TEAD1: variants seen among roughly 807,000 people sequenced by gnomAD.
The protein encoded by TEAD1 is transcriptional enhancer factor TEF-1.
TEAD1 carries 9 observed loss-of-function variants against 54.9 expected under a neutral mutation model. The observed-to-expected ratio is 0.16, with a 90% CI of 0.10 to 0.29. The LOEUF is 0.29. Ranked by LOEUF, TEAD1 falls within the 10% of genes least tolerant of loss-of-function variation. The pLI is 1.00. For missense variants in TEAD1, 387 were observed against 535.9 expected (o/e 0.72, Z 2.74); for synonymous variants, 200 against 187.8 (o/e 1.07, Z -0.53).
intron 2 of TEAD1, among the ~76,000 whole-genome samples, chr11:12,711,252 A>G (rs890223283): frequency 3.3e-5 from 5 of 152,324 alleles, no homozygotes; most frequent in African/African-American, 4.8e-5. Flanking sequence ...GAATGAAGAA[A>G]TTAGAATGTG....
chr11:12,692,510 C>CT lies in TEAD1; in HGVS notation c.-55+16957dup, dbSNP rs202118667. On this transcript the variant is annotated intron_variant, in intron 2 of 12. Transcript: ENST00000527636. ...TAATGCCCCTCACCCACCACCCCGG[C>CT]TTTTTTTTCTTTTTAAAGCCGCAAG... is the stretch of plus-strand genomic sequence containing the variant. Among the ~76,000 whole-genome samples, 973 of 152,044 alleles carry CT rather than the reference C, an allele frequency of 6.4e-3. 15 individuals are homozygous for CT. The highest frequency in any genetic ancestry group is 0.022 in the African/African-American group (904 of 41,466).
At chr11:12,687,905 A>G (rs1245220337) in intron 2 of TEAD1, among the ~76,000 whole-genome samples, 1 of 152,158 alleles carries the variant, frequency 6.6e-6, no homozygotes, top group African/African-American at 2.4e-5. Flanking sequence ...GGCTAATCCA[A>G]ACTATTCTCT....
At chr11:12,742,965 A>G (rs1944675724) in intron 2 of TEAD1, among the ~76,000 whole-genome samples, 1 of 152,188 alleles carries the variant, frequency 6.6e-6, no homozygotes, top group South Asian at 2.1e-4. Flanking sequence ...CTTTGAGCTG[A>G]TTCCAGAGTG....
chr11:12,940,551 T>C lies in TEAD1; in HGVS notation c.*3329T>C, dbSNP rs1162083819. 3.3e-5 allele frequency: 5 copies of C among 152,226 alleles called. No individual in the cohort carries two copies. Among genetic ancestry groups the C allele is most frequent in the Non-Finnish European group, 5.9e-5 (4 of 68,040 alleles). The allele number at this position is 152,226 out of a possible 1,614,324, so 9.4% of individuals were successfully genotyped here. Reference sequence around the variant, plus strand: ...GTGACATTGTGTCCATATTTCTTCCTGTTTCAGAACTTCTGTTTCACAACA... The same window carrying C: ...GTGACATTGTGTCCATATTTCTTCCCGTTTCAGAACTTCTGTTTCACAACA... On this transcript the variant is annotated 3_prime_UTR_variant, in exon 13 of 13. Coordinates refer to ENST00000527636, the MANE Select transcript of TEAD1 (RefSeq NM_021961.6).
In TEAD1 at chr11:12,871,748, C is replaced by T. The variant is rs528421011; in HGVS notation, c.330+6848C>T. On this transcript the variant is annotated intron_variant, in intron 5 of 12. Coordinates refer to ENST00000527636, the MANE Select transcript of TEAD1 (RefSeq NM_021961.6). ...GCCAAGCCACCTCTGGTTCACTTCT[C>T]GAGTGTGTTTAGGTGAGTGTATGAC... Among the ~76,000 whole-genome samples, 8 of 152,252 alleles carry T rather than the reference C, an allele frequency of 5.3e-5. No homozygotes were observed. The South Asian group carries it at 1.5e-3, about 28-fold the overall frequency.
chr11:12,723,345 T>C (rs1157059351), intron 2 of TEAD1, among the ~76,000 whole-genome samples: 1 of 152,228 alleles, frequency 6.6e-6, no homozygotes, highest in African/African-American at 2.4e-5. Context: ...TTTTGTTTTC[T>C]TACAGTCAGG....
chr11:12,791,802 G>C (rs1945807888), intron 3 of TEAD1, among the ~76,000 whole-genome samples: 1 of 152,194 alleles, frequency 6.6e-6, no homozygotes, highest in African/African-American at 2.4e-5. Context: ...GCAGAATAAA[G>C]CTAGGTGGCC....
At chr11:12,820,879 C>G (rs949905347) in intron 3 of TEAD1, among the ~76,000 whole-genome samples, 1 of 152,160 alleles carries the variant, frequency 6.6e-6, no homozygotes, top group Admixed American at 6.5e-5. Context: ...GGAGAAAAAC[C>G]TAGGACCCCA....
intron 3 of TEAD1, among the ~76,000 whole-genome samples, chr11:12,781,213 A>C (rs140957880): frequency 2.0e-5 from 3 of 152,358 alleles, no homozygotes; most frequent in African/African-American, 7.2e-5. Context: ...TGTAAAAGCT[A>C]TGATTATGAA....
At chr11:12,686,703 A>G (rs75569319) in intron 2 of TEAD1, among the ~76,000 whole-genome samples, 79 of 152,316 alleles carry the variant, frequency 5.2e-4, no homozygotes, top group Non-Finnish European at 9.1e-4. Context: ...ATGATGTCCT[A>G]TGATGCACCT....
At chr11:12,857,853 G>A (rs573496673) in intron 3 of TEAD1, among the ~76,000 whole-genome samples, 1 of 152,260 alleles carries the variant, frequency 6.6e-6, no homozygotes, top group African/African-American at 2.4e-5. Context: ...AGGAGGCCGA[G>A]GTGGGCGGAT....
intron 3 of TEAD1, among the ~76,000 whole-genome samples, chr11:12,854,398 G>A (rs1257490601): frequency 6.6e-6 from 1 of 152,144 alleles, no homozygotes; most frequent in East Asian, 1.9e-4. Flanking sequence ...TCTCTGTCTG[G>A]TAGTAGAGGG....
intron 11 of TEAD1, among the ~76,000 whole-genome samples, chr11:12,926,863 C>G (rs1375321276): frequency 6.6e-6 from 1 of 152,168 alleles, no homozygotes; most frequent in Non-Finnish European, 1.5e-5. Flanking sequence ...GCTGGGACGC[C>G]TGGAACCAGA....
chr11:12,915,010 C>T (rs779234475), intron 10 of TEAD1, among the ~76,000 whole-genome samples: 11 of 152,228 alleles, frequency 7.2e-5, no homozygotes, highest in East Asian at 5.8e-4. Context: ...AAAATGCCAG[C>T]GTCTCGTTGC....
At chr11:12,811,665 GA>G (rs1242958494) in intron 3 of TEAD1, among the ~76,000 whole-genome samples, 1 of 152,130 alleles carries the variant, frequency 6.6e-6, no homozygotes. Flanking sequence ...CTTGAGGTGG[GA>G]CCCAGAAGTC....
chr11:12,839,977 G>A (rs939395489), intron 3 of TEAD1, among the ~76,000 whole-genome samples: 12 of 152,052 alleles, frequency 7.9e-5, no homozygotes, highest in African/African-American at 2.9e-4. Flanking sequence ...GCCTGGCGCG[G>A]TGGTTCACGC....
At chr11:12,812,065 C>A (rs771817066) in intron 3 of TEAD1, among the ~76,000 whole-genome samples, 7 of 152,090 alleles carry the variant, frequency 4.6e-5, no homozygotes, top group Non-Finnish European at 8.8e-5. Flanking sequence ...TTGGATGGAT[C>A]GTCTCACACA....
chr11:12,719,812 A>G (rs1292726989), intron 2 of TEAD1, among the ~76,000 whole-genome samples: 1 of 152,074 alleles, frequency 6.6e-6, no homozygotes, highest in African/African-American at 2.4e-5. Context: ...TGACTTGAAA[A>G]TTATGGTTTG....
intron 3 of TEAD1, among the ~76,000 whole-genome samples, chr11:12,859,165 G>A (rs1401704673): frequency 6.6e-6 from 1 of 152,130 alleles, no homozygotes; most frequent in East Asian, 1.9e-4. Flanking sequence ...TATAGGCTGT[G>A]GTACACAGTC....
Sources: allele counts gnomAD v4.1 joint callset (sites outside exome capture counted in the v4.1 genomes callset), GRCh38; gene constraint gnomAD v4.1.1; transcripts MANE v1.5; gene names NCBI Gene and HGNC (gene_info 2026-07-23, HGNC 2026-07-21).